The following PCDH15 variants were observed in gnomAD, a reference collection of about 807,000 sequenced individuals.
PCDH15 encodes protocadherin-15.
PCDH15 carries 129 observed loss-of-function variants against 178.5 expected under a neutral mutation model. The observed-to-expected ratio is 0.72, with a 90% confidence interval of 0.63 to 0.84. The LOEUF (loss-of-function observed/expected upper bound fraction) is 0.84, where lower values mean the gene tolerates loss of function less well. Among genes scored for constraint, PCDH15 ranks in the 40% least tolerant of loss-of-function variants. The pLI is 0.00. For missense variants in PCDH15, 2,230 were observed against 2,099.9 expected, an observed-to-expected ratio of 1.06 and a Z score of -1.21; for synonymous variants, 800 against 732.0, an observed-to-expected ratio of 1.09 and a Z score of -1.50.
At chr10:55,501,650 G>C (rs1469964038) in intron 2 of PCDH15, among the ~76,000 whole-genome samples, 1 of 151,650 alleles carries the variant, frequency 6.6e-6, no homozygotes, top group Non-Finnish European at 1.5e-5. Context: ...AGTTAGATTA[G>C]GTGAATCAGA....
intron 2 of PCDH15, among the ~76,000 whole-genome samples, chr10:55,431,605 T>C (rs1838881570): frequency 6.6e-6 from 1 of 152,210 alleles, no homozygotes; most frequent in Admixed American, 6.5e-5. Context: ...AATAGCAATC[T>C]ATGTGGAATG....
chr10:53,961,913 A>G (rs757103181), intron 21 of PCDH15, 21 bp from the exon 22 acceptor site: 2 of 1,589,676 alleles, frequency 1.3e-6, no homozygotes, highest in Non-Finnish European at 1.7e-6. Flanking sequence ...ATTATTAATT[A>G]TTAATTTGCT....
chr10:55,401,559 G>A (rs928191447), intron 2 of PCDH15, among the ~76,000 whole-genome samples: 2 of 149,896 alleles, frequency 1.3e-5, no homozygotes, highest in Non-Finnish European at 3.0e-5. Context: ...TAACGGACAT[G>A]ACTTACCACT....
At chr10:54,075,765 G>A (rs943043146) in intron 17 of PCDH15, among the ~76,000 whole-genome samples, 1 of 152,102 alleles carries the variant, frequency 6.6e-6, no homozygotes, top group Non-Finnish European at 1.5e-5. Flanking sequence ...CCAATTAAGT[G>A]AAAGTTTATT....
chr10:55,467,779 C>G (rs1040735173), intron 2 of PCDH15, among the ~76,000 whole-genome samples: 3 of 151,566 alleles, frequency 2.0e-5, no homozygotes, highest in African/African-American at 7.3e-5. Context: ...TCCTCGCTGA[C>G]AGGGTGAAAC....
intron 1 of PCDH15, among the ~76,000 whole-genome samples, chr10:54,711,701 C>T (rs1228351225): frequency 2.0e-5 from 3 of 151,748 alleles, no homozygotes; most frequent in African/African-American, 7.3e-5. Context: ...AAAAGAAAGC[C>T]CAGTTGAAAA....
At chr10:55,159,743 TAA>T (rs2132111899) in intron 2 of PCDH15, among the ~76,000 whole-genome samples, 1 of 147,836 alleles carries the variant, frequency 6.8e-6, no homozygotes, top group Non-Finnish European at 1.5e-5. Context: ...GTATATATTT[TAA>T]AGAGATATAT....
At chr10:54,577,842 CTAAATAAATGAATAAATAAATAAA>C (rs1473346367) in intron 2 of PCDH15, among the ~76,000 whole-genome samples, 86 of 144,876 alleles carry the variant, frequency 5.9e-4, no homozygotes, top group African/African-American at 1.3e-3. Flanking sequence ...CTGTTTAAGC[CTAAATAAATGAATAAATAAATAAA>C]TAAATAAATA....
rs1287068204 is a variant in PCDH15 at position 53,822,043 on chromosome 10, A to AT, written c.4368-1814dup. ...ATTTGACTGTACATGTTAGCTACTG[A>AT]TTTTTCAAGTTCTGCTAAGTTTTTA... On this transcript the variant is annotated intron_variant, in intron 32 of 37. Coordinates refer to ENST00000644397, the MANE Select transcript of PCDH15 (RefSeq NM_001384140.1). 1.2e-5 allele frequency: 20 copies of AT among 1,613,812 alleles called. No homozygotes were observed. The highest frequency in any genetic ancestry group is 1.6e-5 in the Non-Finnish European group (19 of 1,179,928).
intron 2 of PCDH15, among the ~76,000 whole-genome samples, chr10:55,392,073 A>G (rs1837806866): frequency 6.6e-6 from 1 of 152,160 alleles, no homozygotes; most frequent in South Asian, 2.1e-4. Flanking sequence ...TGCAATCAGA[A>G]CACACATTTA....
chr10:55,576,492 T>C (rs1285145114), intron 2 of PCDH15, among the ~76,000 whole-genome samples: 1 of 152,166 alleles, frequency 6.6e-6, no homozygotes, highest in African/African-American at 2.4e-5. Context: ...CACTTTGTGA[T>C]AAGGATAATG....
chr10:54,051,357 T>G (rs1422773273), intron 18 of PCDH15, among the ~76,000 whole-genome samples: 4 of 152,132 alleles, frequency 2.6e-5, no homozygotes, highest in Non-Finnish European at 1.5e-5. Flanking sequence ...GTGGGAAACT[T>G]TGGAACTCTC....
chr10:54,752,513 C>A (rs796507971), intron 1 of PCDH15, among the ~76,000 whole-genome samples: 5,697 of 52,294 alleles, frequency 0.11, 1,325 homozygotes, highest in Middle Eastern at 0.17. Context: ...AAACAAAAAA[C>A]AAACAAACAA....
At chr10:55,621,025 A>T (rs1843580468) in intron 2 of PCDH15, among the ~76,000 whole-genome samples, 1 of 151,826 alleles carries the variant, frequency 6.6e-6, no homozygotes, top group African/African-American at 2.4e-5. Flanking sequence ...ATATATATAT[A>T]TTATGTTTAT....
intron 8 of PCDH15, among the ~76,000 whole-genome samples, chr10:54,278,603 A>G (rs1418130282): frequency 6.6e-6 from 1 of 151,504 alleles, no homozygotes; most frequent in African/African-American, 2.4e-5. Context: ...GTGACCCAAC[A>G]TAACTAAGGA....
intron 32 of PCDH15, chr10:53,823,058 T>C: frequency 1.2e-6 from 2 of 1,614,102 alleles, no homozygotes; most frequent in South Asian, 1.1e-5. Context: ...TCTTGGCTTG[T>C]ATTTTGGGTG....
chr10:54,372,107 T>A (rs544680865), intron 4 of PCDH15, among the ~76,000 whole-genome samples: 2 of 152,014 alleles, frequency 1.3e-5, no homozygotes, highest in African/African-American at 2.4e-5. Flanking sequence ...AAAAACAAAA[T>A]AAATATGTGT....
chr10:54,050,879 G>C (rs951728138), intron 18 of PCDH15, among the ~76,000 whole-genome samples: 3 of 152,196 alleles, frequency 2.0e-5, no homozygotes, highest in African/African-American at 7.2e-5. Context: ...GACCTGGTTG[G>C]AGGTAATTGA....
chr10:55,078,558 T>C (rs935093300), intron 2 of PCDH15, among the ~76,000 whole-genome samples: 1 of 152,176 alleles, frequency 6.6e-6, no homozygotes, highest in African/African-American at 2.4e-5. Context: ...AGAATACCTG[T>C]CTTCAAGTTC....
Sources: allele counts gnomAD v4.1 joint callset (sites outside exome capture counted in the v4.1 genomes callset), GRCh38; gene constraint gnomAD v4.1.1; transcripts MANE v1.5; gene names NCBI Gene and HGNC (gene_info 2026-07-23, HGNC 2026-07-21).